Variants in CABP1 observed in about 807,000 individuals in gnomAD.
CABP1 encodes the protein calcium binding protein 1.
In CABP1, 17 loss-of-function variants were observed where a neutral mutation model predicts 34.3. That is an observed-to-expected ratio of 0.50 (90% CI 0.34 to 0.74). The LOEUF is 0.74. Ranked by LOEUF, CABP1 falls within the 30% of genes least tolerant of loss-of-function variation. The probability of loss-of-function intolerance (pLI) is 0.01; values close to 1 mark genes in which losing one functional copy is unlikely to be tolerated. For synonymous variants in CABP1, 198 were observed against 229.2 expected (o/e 0.86, Z 1.23); for missense variants, 373 against 511.1 (o/e 0.73, Z 2.61).
chr12:120,646,246 G>A (rs943539077), intron 1 of CABP1, among the ~76,000 whole-genome samples: 7 of 152,140 alleles, frequency 4.6e-5, no homozygotes, highest in Admixed American at 3.3e-4. Context: ...TCTTAGTACC[G>A]GGCTGTCATC....
At chr12:120,675,201 C>T in the CABP1 span, among the ~76,000 whole-genome samples, 3 of 151,922 alleles carry the variant, frequency 2.0e-5, no homozygotes, top group Non-Finnish European at 2.9e-5. Context: ...TACAGGTGTG[C>T]ACCGCCACGC....
intron 5 of CABP1, among the ~76,000 whole-genome samples, chr12:120,664,202 G>A (rs1880825259): frequency 6.6e-6 from 1 of 152,194 alleles, no homozygotes; most frequent in Non-Finnish European, 1.5e-5. Flanking sequence ...TCTGGTCTCT[G>A]CCTCGAAGAG....
chr12:120,647,404 A>G (rs1388383881), intron 1 of CABP1, among the ~76,000 whole-genome samples: 1 of 149,426 alleles, frequency 6.7e-6, no homozygotes, highest in African/African-American at 2.5e-5. Context: ...TTTTTTTTAA[A>G]TAGAGATGAG....
chr12:120,642,371 C>G (rs1342320784), intron 1 of CABP1, among the ~76,000 whole-genome samples: 3 of 152,158 alleles, frequency 2.0e-5, no homozygotes, highest in Non-Finnish European at 2.9e-5. Context: ...CTTGCCACGC[C>G]GGATCAGAAT....
rs1360463458 is a variant in CABP1 at position 120,666,918 on chromosome 12, C to G, written c.*18C>G. ...CCCGCTGAGGCCGCGAGGGCCCCTC[C>G]AGGACTGCCAAGCTCCCAAAGGCGG... On this transcript the variant is annotated 3_prime_UTR_variant, in exon 6 of 6. Transcript: ENST00000316803. The G allele has an allele frequency of 1.2e-6, 2 of 1,600,522 alleles. No homozygotes were observed. Among genetic ancestry groups the G allele is most frequent in the Middle Eastern group, 1.6e-4 (1 of 6,072 alleles).
chr12:120,650,745 A>C, intron 1 of CABP1: 17 of 1,548,466 alleles, frequency 1.1e-5, no homozygotes, highest in Non-Finnish European at 1.3e-5. Context: ...CATCTGTCTC[A>C]GAGGTTGGGC....
downstream of CABP1, among the ~76,000 whole-genome samples, chr12:120,667,992 C>A (rs1185758583): frequency 2.0e-5 from 3 of 152,170 alleles, no homozygotes; most frequent in Non-Finnish European, 4.4e-5. Context: ...AACTTTTATA[C>A]TGGTTGGAGA....
intron 1 of CABP1, among the ~76,000 whole-genome samples, chr12:120,645,442 T>C (rs1422131841): frequency 6.6e-6 from 1 of 152,200 alleles, no homozygotes; most frequent in Non-Finnish European, 1.5e-5. Flanking sequence ...TAGAGCCCAC[T>C]GCACAGTGGA....
chr12:120,646,033 A>G (rs943079407), intron 1 of CABP1, among the ~76,000 whole-genome samples: 1 of 152,244 alleles, frequency 6.6e-6, no homozygotes, highest in South Asian at 2.1e-4. Context: ...CCACAGTGAC[A>G]GAGTGAGACC....
intron 1 of CABP1, chr12:120,649,991 ATGTGTGTGTGTGTTTGTGCGCGCG>A (rs1163253692): frequency 2.0e-5 from 3 of 149,098 alleles, no homozygotes; most frequent in African/African-American, 7.4e-5. Flanking sequence ...GTGTGCATGC[ATGTGTGTGTGTGTTTGTGCGCGCG>A]TGTGTGTGTG....
At chr12:120,664,824 G>A (rs1249831602) in intron 5 of CABP1, among the ~76,000 whole-genome samples, 1 of 151,280 alleles carries the variant, frequency 6.6e-6, no homozygotes, top group African/African-American at 2.4e-5. Context: ...GTAGTGAGCT[G>A]AGATGGTACT....
chr12:120,647,742 ATTTTTTTT>A (rs11393885), intron 1 of CABP1, among the ~76,000 whole-genome samples: 1 of 130,472 alleles, frequency 7.7e-6, no homozygotes, highest in African/African-American at 2.9e-5. Flanking sequence ...TAACTTTTGT[ATTTTTTTT>A]TTTTTTTTTT....
intron 1 of CABP1, among the ~76,000 whole-genome samples, chr12:120,651,344 C>T (rs546539031): frequency 3.3e-5 from 5 of 152,104 alleles, no homozygotes; most frequent in South Asian, 2.1e-4. Flanking sequence ...GTGGCTTTAT[C>T]GCCATACACT....
chr12:120,651,792 C>T (rs140597949), intron 1 of CABP1, among the ~76,000 whole-genome samples: 86 of 152,284 alleles, frequency 5.6e-4, no homozygotes, highest in African/African-American at 1.9e-3. Flanking sequence ...TCCTTAGATC[C>T]TTCCAAGGGC....
intron 1 of CABP1, among the ~76,000 whole-genome samples, chr12:120,643,292 G>A (rs1036867715): frequency 6.6e-6 from 1 of 152,116 alleles, no homozygotes; most frequent in Non-Finnish European, 1.5e-5. Flanking sequence ...CTGACACCTC[G>A]AAGTCATCTA....
chr12:120,676,283 T>C, the CABP1 span, among the ~76,000 whole-genome samples: 1 of 152,228 alleles, frequency 6.6e-6, no homozygotes, highest in African/African-American at 2.4e-5. Context: ...CATGGCAGAA[T>C]GCTCTTGTCT....
chr12:120,672,436 C>T, the CABP1 span, among the ~76,000 whole-genome samples: 4 of 151,740 alleles, frequency 2.6e-5, no homozygotes, highest in Non-Finnish European at 5.9e-5. Context: ...AGTTCGGGAC[C>T]AGCCTGACCA....
At chr12:120,643,398 C>A (rs1234589900) in intron 1 of CABP1, among the ~76,000 whole-genome samples, 1 of 152,114 alleles carries the variant, frequency 6.6e-6, no homozygotes, top group Non-Finnish European at 1.5e-5. Context: ...CCCTTTTCTC[C>A]GTATTGAGAT....
rs1057271991 is a variant in CABP1 at position 120,661,325 on chromosome 12, AC to A, written c.1087+112del. On this transcript the variant is annotated intron_variant, in intron 5 of 5. Transcript: ENST00000316803. This position sits in a 1 kb window ranked among gnomAD's most constrained non-coding sequence, Gnocchi z 5.1. ...ACCATCAATCCGCCCTAATTTTCCA[AC>A]CCCCAGCCCTTTCATCCTCTTATCC... is the stretch of plus-strand genomic sequence containing the variant. 4 of 1,336,464 alleles carry A rather than the reference AC, an allele frequency of 3.0e-6. No individual in the cohort carries two copies. In the African/African-American group the frequency reaches 4.4e-5, roughly 15 times the overall value. The allele number at this position is 1,336,464 out of a possible 1,614,324, so 82.8% of individuals were successfully genotyped here. A position where few individuals can be genotyped will look rare whatever the true frequency, so the allele number is the denominator to read the frequency against.
Sources: allele counts gnomAD v4.1 joint callset (sites outside exome capture counted in the v4.1 genomes callset), GRCh38; gene constraint gnomAD v4.1.1; non-coding constraint Gnocchi (gnomAD v3.1); transcripts MANE v1.5; gene names NCBI Gene and HGNC (gene_info 2026-07-23, HGNC 2026-07-21).